The following LCLAT1 variants were observed in gnomAD, a reference collection of about 807,000 sequenced individuals.
LCLAT1 encodes lysocardiolipin acyltransferase 1.
A neutral mutation model predicts 30.7 loss-of-function variants in LCLAT1; 11 were observed. That is an observed-to-expected ratio of 0.36 (90% CI 0.23 to 0.59). The LOEUF (loss-of-function observed/expected upper bound fraction) is 0.59, where lower values mean the gene tolerates loss of function less well. Ranked by LOEUF, LCLAT1 falls within the 20% of genes least tolerant of loss-of-function variation. LCLAT1 has a pLI of 0.77. For synonymous variants in LCLAT1, 155 were observed against 151.3 expected (o/e 1.02, Z -0.18); for missense variants, 402 against 458.6 (o/e 0.88, Z 1.13).
rs370101688 is a variant in LCLAT1, at chr2:30,449,569, C to T, written c.-5+2186C>T. Among the ~76,000 whole-genome samples, 200 of 151,012 alleles carry T rather than the reference C, an allele frequency of 1.3e-3. 1 individual carries two copies. Among genetic ancestry groups the T allele is most frequent in the African/African-American group, 4.6e-3 (188 of 41,062 alleles). Reference sequence around the variant, plus strand: ...GGGCTGGAGTGCAATGGCACGATCTCGGCTCACCACAGCCTCTGCCTCCCG... The same window carrying T: ...GGGCTGGAGTGCAATGGCACGATCTTGGCTCACCACAGCCTCTGCCTCCCG... On this transcript the variant is annotated intron_variant, in intron 1 of 5. Transcript: ENST00000379509.
chr2:30,628,040 A>G (rs1042872484), intron 5 of LCLAT1, among the ~76,000 whole-genome samples: 1 of 152,226 alleles, frequency 6.6e-6, no homozygotes, highest in African/African-American at 2.4e-5. Flanking sequence ...TAAAATTTCA[A>G]TTACAATAAA....
intron 1 of LCLAT1, among the ~76,000 whole-genome samples, chr2:30,472,240 A>G (rs1177573257): frequency 3.3e-5 from 5 of 152,200 alleles, no homozygotes; most frequent in African/African-American, 4.8e-5. Flanking sequence ...TTAAAAGGAG[A>G]CAAGACTTTC....
At chr2:30,530,504 G>A (rs1685930705) in intron 2 of LCLAT1, among the ~76,000 whole-genome samples, 1 of 152,198 alleles carries the variant, frequency 6.6e-6, no homozygotes, top group Non-Finnish European at 1.5e-5. Context: ...TCAAGGGAGA[G>A]GATGTCATGT....
chr2:30,527,713 C>A (rs549134632), intron 2 of LCLAT1, among the ~76,000 whole-genome samples: 3 of 152,314 alleles, frequency 2.0e-5, no homozygotes, highest in Non-Finnish European at 4.4e-5. Context: ...TACCTACTTA[C>A]ATCAGAGAGT....
chr2:30,487,980 C>T (rs1683643752), intron 1 of LCLAT1, among the ~76,000 whole-genome samples: 1 of 152,164 alleles, frequency 6.6e-6, no homozygotes, highest in South Asian at 2.1e-4. Context: ...TTACTGCATT[C>T]CTCTGAATAT....
At chr2:30,615,146 G>A (rs905255879) in intron 5 of LCLAT1, among the ~76,000 whole-genome samples, 5 of 152,120 alleles carry the variant, frequency 3.3e-5, no homozygotes, top group African/African-American at 1.2e-4. Flanking sequence ...AATGATGGGA[G>A]AAGTTATAAT....
At chr2:30,523,368 C>G (rs1685566060) in intron 1 of LCLAT1, among the ~76,000 whole-genome samples, 1 of 151,802 alleles carries the variant, frequency 6.6e-6, no homozygotes, top group East Asian at 1.9e-4. Flanking sequence ...GGTGGTAACA[C>G]AGACCACTCT....
At chr2:30,608,307 A>G (rs1667560568) in intron 5 of LCLAT1, among the ~76,000 whole-genome samples, 1 of 152,018 alleles carries the variant, frequency 6.6e-6, no homozygotes, top group Admixed American at 6.5e-5. Context: ...TCTCAAAAAA[A>G]AAAAAAAATT....
At chr2:30,606,250 A>G in intron 5 of LCLAT1, 1 of 321,478 alleles carries the variant, frequency 3.1e-6, no homozygotes, top group Non-Finnish European at 6.1e-6. Context: ...TAAAATTCAT[A>G]TGGAACCAAC....
intron 3 of LCLAT1, among the ~76,000 whole-genome samples, chr2:30,550,468 G>A (rs1664630887): frequency 6.6e-6 from 1 of 152,124 alleles, no homozygotes; most frequent in African/African-American, 2.4e-5. Flanking sequence ...TTTTCATGGT[G>A]CCTTTGAAAA....
At chr2:30,482,540 T>C (rs370946897) in intron 1 of LCLAT1, among the ~76,000 whole-genome samples, 42 of 152,184 alleles carry the variant, frequency 2.8e-4, no homozygotes, top group African/African-American at 9.9e-4. Flanking sequence ...ATGTTACTTA[T>C]ATTTTGGAGC....
chr2:30,632,079 A>G (rs1414024862), intron 5 of LCLAT1, among the ~76,000 whole-genome samples: 3 of 152,232 alleles, frequency 2.0e-5, no homozygotes, highest in Admixed American at 1.3e-4. Context: ...AAACACAAAC[A>G]GTGCAACAGA....
At chr2:30,587,404 T>C (rs987156465) in intron 5 of LCLAT1, among the ~76,000 whole-genome samples, 4 of 152,234 alleles carry the variant, frequency 2.6e-5, no homozygotes, top group African/African-American at 9.6e-5. Flanking sequence ...TTATTTTTGG[T>C]AACTATTTGT....
intron 1 of LCLAT1, among the ~76,000 whole-genome samples, chr2:30,510,973 A>C (rs1271333205): frequency 1.3e-5 from 2 of 152,118 alleles, no homozygotes; most frequent in Non-Finnish European, 2.9e-5. Flanking sequence ...GAAAATGTTA[A>C]AGATAGTTTT....
Position 30,642,732 on chromosome 2 carries a change from A to T in LCLAT1, c.*2113A>T, listed in dbSNP as rs940336549. The stretch of plus-strand genomic sequence containing the variant: ...ACAATTTTGTTCCTTTTCATCATAG[A>T]AAACATGTTTAAGATAAAATACAAA... On this transcript the variant is annotated 3_prime_UTR_variant, in exon 6 of 6. Transcript: ENST00000379509. 3.3e-5 allele frequency: 5 copies of T among 149,810 alleles called. No homozygotes were observed. The highest frequency in any genetic ancestry group is 5.9e-5 in the Non-Finnish European group (4 of 67,606). The allele number at this position is 149,810 out of a possible 1,614,324, so 9.3% of individuals were successfully genotyped here.
At chr2:30,466,448 TTTTGTTTTTTAATCACACC>T (rs1216256382) in intron 1 of LCLAT1, among the ~76,000 whole-genome samples, 1 of 152,118 alleles carries the variant, frequency 6.6e-6, no homozygotes, top group African/African-American at 2.4e-5. Flanking sequence ...ATATTTCTAT[TTTTGTTTTTTAATCACACC>T]TTTTATTTTA....
At chr2:30,528,320 A>G (rs1243315813) in intron 2 of LCLAT1, among the ~76,000 whole-genome samples, 2 of 152,210 alleles carry the variant, frequency 1.3e-5, no homozygotes, top group Non-Finnish European at 2.9e-5. Flanking sequence ...TGCAATAGCT[A>G]TTTCTGCTAT....
At chr2:30,514,095 T>G (rs1685069783) in intron 1 of LCLAT1, among the ~76,000 whole-genome samples, 1 of 152,226 alleles carries the variant, frequency 6.6e-6, no homozygotes, top group Non-Finnish European at 1.5e-5. Flanking sequence ...TTCTCTTAGC[T>G]CTCTCAATAT....
intron 5 of LCLAT1, among the ~76,000 whole-genome samples, chr2:30,629,452 T>C (rs1431821590): frequency 6.6e-6 from 1 of 152,010 alleles, no homozygotes; most frequent in African/African-American, 2.4e-5. Flanking sequence ...CCCAGCCACT[T>C]GGGAGGCTGA....
Sources: allele counts gnomAD v4.1 joint callset (sites outside exome capture counted in the v4.1 genomes callset), GRCh38; gene constraint gnomAD v4.1.1; transcripts MANE v1.5; gene names NCBI Gene and HGNC (gene_info 2026-07-23, HGNC 2026-07-21).